Variants in LGALS9B observed in about 807,000 individuals in gnomAD.
LGALS9B encodes galectin-9B.
Under a neutral mutation model 35.9 loss-of-function variants are expected in LGALS9B, and 8 were observed. The ratio of observed to expected loss-of-function variants is 0.22; its 90% CI spans 0.13 to 0.40. The LOEUF (loss-of-function observed/expected upper bound fraction) is 0.40, where lower values mean the gene tolerates loss of function less well. Among genes scored for constraint, LGALS9B ranks in the 10% least tolerant of loss-of-function variants. LGALS9B has a pLI of 1.00. For synonymous variants in LGALS9B, 42 were observed against 148.6 expected, an observed-to-expected ratio of 0.28 and a Z score of 5.22; for missense variants, 101 against 397.9, an observed-to-expected ratio of 0.25 and a Z score of 6.35.
At chr17:20,457,851 G>C (rs531277106) in intron 3 of LGALS9B, among the ~76,000 whole-genome samples, 2 of 151,718 alleles carry the variant, frequency 1.3e-5, no homozygotes, top group East Asian at 3.9e-4. Flanking sequence ...AATGTTACCA[G>C]GGACCTGGAG....
chr17:20,467,176 G>A (rs1162688552), intron 1 of LGALS9B, among the ~76,000 whole-genome samples: 4 of 143,944 alleles, frequency 2.8e-5, no homozygotes, highest in Non-Finnish European at 6.1e-5. Flanking sequence ...TCCCCTGAGC[G>A]CACAGGACAG....
intron 1 of LGALS9B, among the ~76,000 whole-genome samples, chr17:20,465,811 G>T (rs2042758493): frequency 6.9e-6 from 1 of 145,604 alleles, no homozygotes; most frequent in Non-Finnish European, 1.5e-5. Flanking sequence ...TTCCCCCACT[G>T]TCGGCATGTG....
intron 5 of LGALS9B, among the ~76,000 whole-genome samples, chr17:20,454,341 G>T (rs1263642271): frequency 1.4e-5 from 2 of 138,786 alleles, no homozygotes; most frequent in East Asian, 4.3e-4. Context: ...CCAGAGGAAG[G>T]GCTGCCCACC....
At chr17:20,467,221 G>T (rs2042769107) in intron 1 of LGALS9B, among the ~76,000 whole-genome samples, 1 of 144,608 alleles carries the variant, frequency 6.9e-6, no homozygotes, top group Non-Finnish European at 1.5e-5. Flanking sequence ...TCAAACCCAT[G>T]ATTCATGGGA....
At chr17:20,461,794 T>C in intron 1 of LGALS9B, among the ~76,000 whole-genome samples, 1 of 71,518 alleles carries the variant, frequency 1.4e-5, no homozygotes, top group Non-Finnish European at 2.7e-5. Context: ...AACCTGAATT[T>C]TTTTTTTTTT....
At chr17:20,459,372 A>T (rs2042712252) in intron 2 of LGALS9B, among the ~76,000 whole-genome samples, 2 of 133,742 alleles carry the variant, frequency 1.5e-5, no homozygotes, top group South Asian at 4.8e-4. Flanking sequence ...AGGGAGAGGG[A>T]AAGAGGAAGG....
Position 20,460,350 on chromosome 17 carries a change from A to G in LGALS9B, c.131+2T>C. ...GAAACGTTTCCATCCATATACACAC[A>G]CCTGGTTCCACTGGAGCTGAGAACG... On this transcript the variant is annotated splice_donor_variant, in intron 2 of 10. Coordinates refer to ENST00000423676, the MANE Select transcript of LGALS9B (RefSeq NM_001367292.2). LOFTEE classifies it high-confidence loss of function. 6.2e-7 allele frequency: 1 copy of G among 1,602,868 alleles called. No homozygotes were observed. The highest frequency in any genetic ancestry group is 8.5e-7 in the Non-Finnish European group (1 of 1,171,586).
intron 1 of LGALS9B, among the ~76,000 whole-genome samples, chr17:20,464,142 G>A (rs1422730680): frequency 4.3e-5 from 6 of 139,122 alleles, no homozygotes; most frequent in African/African-American, 1.7e-4. Context: ...CTGTCACCCA[G>A]GCTGGAGTGC....
Position 20,460,280 on chromosome 17 carries a change from G to A in LGALS9B, c.131+72C>T, listed in dbSNP as rs575855786. The A allele has an allele frequency of 6.0e-4, 968 of 1,609,926 alleles. 9 individuals are homozygous for A. In the South Asian group the frequency reaches 9.7e-3, roughly 16 times the overall value. On this transcript the variant is annotated intron_variant, in intron 2 of 10. Transcript: ENST00000423676. The stretch of plus-strand genomic sequence containing the variant: ...TTGGATGTTGTTGTTTGAACTAACC[G>A]AGGCTCACAGGCACAGTGGCTTTAC...
chr17:20,457,369 A>C, intron 3 of LGALS9B: 1 of 121,626 alleles, frequency 8.2e-6, no homozygotes, highest in African/African-American at 3.0e-5. Flanking sequence ...GCACAGATCA[A>C]CCCTTCACCT....
At chr17:20,460,296 G>A (rs1346726849) in intron 2 of LGALS9B, 56 bp downstream of exon 2, 2 of 1,610,370 alleles carry the variant, frequency 1.2e-6, no homozygotes, top group African/African-American at 2.7e-5. Flanking sequence ...CACAGGCACA[G>A]TGGCTTTACT....
Position 20,455,531 on chromosome 17 carries a change from C to G in LGALS9B, c.445-133G>C, listed in dbSNP as rs1488540266. ...ATGCAGCAAGGGGGTTAGGGCCACA[C>G]GGAGGCGAGAGCGGAAAGGGCCAGG... On this transcript the variant is annotated intron_variant, in intron 4 of 10. Transcript: ENST00000423676. 1.0e-5 allele frequency: 11 copies of G among 1,055,754 alleles called. 2 individuals carry two copies. In the South Asian group the frequency reaches 1.1e-4, roughly 11 times the overall value. 65.4% of individuals were successfully genotyped at this position (1,055,754 alleles called of 1,614,324 possible).
chr17:20,454,570 G>A (rs2042672708), intron 5 of LGALS9B, among the ~76,000 whole-genome samples: 1 of 147,008 alleles, frequency 6.8e-6, no homozygotes, highest in South Asian at 2.2e-4. Flanking sequence ...CACGCAAACA[G>A]TTACAATGGG....
At chr17:20,461,095 C>T (rs1360582743) in intron 1 of LGALS9B, among the ~76,000 whole-genome samples, 1 of 131,646 alleles carries the variant, frequency 7.6e-6, no homozygotes, top group Admixed American at 8.0e-5. Flanking sequence ...AGTTTCCCCA[C>T]CCATCCCAGG....
At chr17:20,464,164 C>G (rs1375320349) in intron 1 of LGALS9B, among the ~76,000 whole-genome samples, 3 of 142,162 alleles carry the variant, frequency 2.1e-5, no homozygotes, top group Middle Eastern at 3.4e-3. Context: ...GTGGCATGAT[C>G]TCAGCTCACT....
intron 1 of LGALS9B, among the ~76,000 whole-genome samples, chr17:20,465,915 G>A (rs1022138340): frequency 2.0e-5 from 3 of 150,090 alleles, no homozygotes; most frequent in African/African-American, 7.4e-5. Flanking sequence ...GGGAGCTCTG[G>A]ACACCTGTGG....
chr17:20,461,143 C>T (rs1444994563), intron 1 of LGALS9B, among the ~76,000 whole-genome samples: 235 of 148,898 alleles, frequency 1.6e-3, no homozygotes, highest in Middle Eastern at 7.1e-3. Context: ...CTCTCTTCCG[C>T]GCCTCTTTAA....
intron 1 of LGALS9B, among the ~76,000 whole-genome samples, chr17:20,461,360 AGAGACT>A (rs2042728107): frequency 6.6e-6 from 1 of 151,838 alleles, no homozygotes; most frequent in Non-Finnish European, 1.5e-5. Context: ...CTGTGGTAGA[AGAGACT>A]GGCACAGAGG....
chr17:20,451,216 CACTT>C (rs1567659534), intron 10 of LGALS9B, among the ~76,000 whole-genome samples: 1 of 148,952 alleles, frequency 6.7e-6, no homozygotes, highest in South Asian at 2.1e-4. Flanking sequence ...TCTGATTTGA[CACTT>C]ACTGACTGTG....
Sources: allele counts gnomAD v4.1 joint callset (sites outside exome capture counted in the v4.1 genomes callset), GRCh38; gene constraint gnomAD v4.1.1; transcripts MANE v1.5; gene names NCBI Gene and HGNC (gene_info 2026-07-23, HGNC 2026-07-21).